Variants in LARP1 observed in about 807,000 individuals in gnomAD.
LARP1 encodes the protein la-related protein 1.
A neutral mutation model predicts 122.7 loss-of-function variants in LARP1; 36 were observed. The ratio of observed to expected loss-of-function variants is 0.29; its 90% confidence interval spans 0.22 to 0.39. The LOEUF is 0.39. Among genes scored for constraint, LARP1 ranks in the 10% least tolerant of loss-of-function variants. LARP1 has a pLI of 1.00. For missense variants in LARP1, 1,040 were observed against 1,403.6 expected (o/e 0.74, Z 4.14); for synonymous variants, 539 against 528.7 (o/e 1.02, Z -0.27).
At chr5:154,735,847 A>T (rs1402379163) in intron 1 of LARP1, among the ~76,000 whole-genome samples, 1 of 152,082 alleles carries the variant, frequency 6.6e-6, no homozygotes, top group Non-Finnish European at 1.5e-5. Flanking sequence ...CTGGGATTAC[A>T]GGCATGAGGC....
chr5:154,780,561 C>T (rs772513460), intron 1 of LARP1, among the ~76,000 whole-genome samples: 13 of 152,198 alleles, frequency 8.5e-5, no homozygotes, highest in Non-Finnish European at 1.8e-4. Flanking sequence ...GTTCCAGTGC[C>T]AGCTCTACAG....
intron 8 of LARP1, among the ~76,000 whole-genome samples, chr5:154,795,890 A>G (rs1223350210): frequency 1.6e-5 from 2 of 127,892 alleles, no homozygotes; most frequent in Non-Finnish European, 3.1e-5. Context: ...ATACATTTAT[A>G]TATATTTATA....
chr5:154,753,577 G>A (rs557078481), upstream of LARP1, among the ~76,000 whole-genome samples: 8 of 152,284 alleles, frequency 5.3e-5, no homozygotes, highest in East Asian at 3.9e-4. Flanking sequence ...CTCTTTTGAC[G>A]TACTGGCTTG....
At chr5:154,741,568 CG>C (rs1379472479) in intron 1 of LARP1, among the ~76,000 whole-genome samples, 12 of 151,538 alleles carry the variant, frequency 7.9e-5, no homozygotes, top group African/African-American at 2.7e-4. Context: ...TGCAAAGTAT[CG>C]GGTGTTTGTG....
chr5:154,769,461 G>A (rs540919033), intron 1 of LARP1, among the ~76,000 whole-genome samples: 1 of 152,334 alleles, frequency 6.6e-6, no homozygotes, highest in East Asian at 1.9e-4. Context: ...GAGAGGAGGC[G>A]GTGGGGGACG....
intron 1 of LARP1, among the ~76,000 whole-genome samples, chr5:154,770,248 T>A (rs76861419): frequency 9.8e-4 from 149 of 151,726 alleles, no homozygotes; most frequent in African/African-American, 3.3e-3. Flanking sequence ...TTTTTTTTTT[T>A]AACTAGCTGT....
chr5:154,794,153 C>T lies in LARP1; in HGVS notation c.1123C>T (p.Arg375Cys), dbSNP rs141480802. ...YRKFDGVEGP[R>C]TPKYMNNITY... Reference sequence around the variant, plus strand: ...AAAGTTTGATGGTGTGGAGGGGCCTCGTACGCCCAAGTACATGAACAACAT... The same window carrying T: ...AAAGTTTGATGGTGTGGAGGGGCCTTGTACGCCCAAGTACATGAACAACAT... Residue 375 changes from arginine to cysteine, a missense_variant, in exon 7 of 19, where the codon CGT becomes TGT. Coordinates refer to ENST00000518297, the MANE Select transcript of LARP1 (RefSeq NM_033551.3). 1.4e-5 allele frequency: 23 copies of T among 1,614,168 alleles called. No individual in the cohort carries two copies. Among genetic ancestry groups the T allele is most frequent in the African/African-American group, 1.1e-4 (8 of 75,050 alleles).
chr5:154,804,852 TC>T (rs1476890241), intron 14 of LARP1: 4 of 456,140 alleles, frequency 8.8e-6, no homozygotes, highest in Admixed American at 7.0e-5. Context: ...TGCTCTCTAC[TC>T]CCTGCAGAGA....
At chr5:154,737,163 C>T (rs1400356716) in intron 1 of LARP1, among the ~76,000 whole-genome samples, 1 of 151,818 alleles carries the variant, frequency 6.6e-6, no homozygotes, top group Non-Finnish European at 1.5e-5. Context: ...CCCTCAGCTT[C>T]CCAAGTAGCT....
intron 1 of LARP1, among the ~76,000 whole-genome samples, chr5:154,769,330 T>A (rs896415971): frequency 6.6e-6 from 1 of 152,224 alleles, no homozygotes; most frequent in Non-Finnish European, 1.5e-5. Context: ...TTGCCATCTT[T>A]TATCCAGGCT....
chr5:154,791,915 G>A (rs1347758368), intron 3 of LARP1: 1 of 455,470 alleles, frequency 2.2e-6, no homozygotes, highest in Non-Finnish European at 4.4e-6. Context: ...GTGACTCTGA[G>A]ATAGGTCCTT....
At chr5:154,804,493 T>G (rs1445449937) in intron 14 of LARP1, among the ~76,000 whole-genome samples, 186 bp downstream of exon 14, 8 of 152,168 alleles carry the variant, frequency 5.3e-5, no homozygotes, top group Non-Finnish European at 7.3e-5. Flanking sequence ...GCTTTTTTCC[T>G]AAAGAAGTGG....
chr5:154,811,467 C>T (rs1218806663), intron 17 of LARP1, 46 bp from the exon 18 acceptor site: 3 of 1,613,318 alleles, frequency 1.9e-6, no homozygotes, highest in Non-Finnish European at 2.5e-6. Flanking sequence ...CTCCTCTGAG[C>T]TTCTTTATCC....
At chr5:154,686,664 A>G (rs1396732648) in intron 1 of LARP1, among the ~76,000 whole-genome samples, 3 of 152,132 alleles carry the variant, frequency 2.0e-5, no homozygotes, top group East Asian at 1.9e-4. Flanking sequence ...ACCTTTCCCA[A>G]TTGCATCACA....
rs758829062 is a variant in LARP1, at chr5:154,795,226, G to C, written c.1284G>C (p.Arg428Ser). The change falls in exon 8 of 19, where the codon AGG becomes AGC. Residue 428 changes from arginine to serine, a missense_variant. Transcript: ENST00000518297. ...TAGAGCGAGACTTCTTCCTGCGAAG[G>C]AAAATGGATGCTGATGGTTTCCTAC... ...DNLERDFFLR[R>S]KMDADGFLPI... is the part of the protein sequence containing the mutation. 6.2e-7 allele frequency: 1 copy of C among 1,613,978 alleles called. No individual in the cohort carries two copies. The highest frequency in any genetic ancestry group is 8.5e-7 in the Non-Finnish European group (1 of 1,179,850).
chr5:154,723,071 G>T (rs1223549762), intron 1 of LARP1, among the ~76,000 whole-genome samples: 1 of 152,238 alleles, frequency 6.6e-6, no homozygotes, highest in African/African-American at 2.4e-5. Flanking sequence ...ACAGTGAGTT[G>T]AGGTAGAGCC....
At chr5:154,740,708 C>G (rs1305575971) in intron 1 of LARP1, among the ~76,000 whole-genome samples, 1 of 152,168 alleles carries the variant, frequency 6.6e-6, no homozygotes, top group African/African-American at 2.4e-5. Flanking sequence ...AAAGAACTTT[C>G]TAAACAAAGC....
At chr5:154,737,185 C>T (rs189161839) in intron 1 of LARP1, among the ~76,000 whole-genome samples, 10 of 151,824 alleles carry the variant, frequency 6.6e-5, no homozygotes, top group African/African-American at 1.5e-4. Flanking sequence ...GGATTACAGG[C>T]GTGCACCACC....
Position 154,755,792 on chromosome 5 carries a change from G to T in LARP1, c.35G>T (p.Gly12Val). The part of the protein sequence containing the change: ...ATQVEPLLPG[G>V]ATLLQAEEHG... ...CAGGTGGAGCCGCTGCTGCCTGGGG[G>T]CGCCACGCTCTTGCAGGCCGAAGAG... The change falls in exon 1 of 19, where the codon GGC becomes GTC. Residue 12 changes from glycine to valine, a missense_variant. Physicochemically the swap from Gly to Val is moderately radical, Grantham distance 109. Coordinates refer to ENST00000518297, the MANE Select transcript of LARP1 (RefSeq NM_033551.3). The T allele has an allele frequency of 3.0e-6, 3 of 989,628 alleles. No individual in the cohort carries two copies. Among genetic ancestry groups the T allele is most frequent in the Non-Finnish European group, 3.6e-6 (3 of 832,318 alleles). 61.3% of individuals were successfully genotyped at this position (989,628 alleles called of 1,614,324 possible).
Sources: allele counts gnomAD v4.1 joint callset (sites outside exome capture counted in the v4.1 genomes callset), GRCh38; gene constraint gnomAD v4.1.1; transcripts MANE v1.5; gene names NCBI Gene and HGNC (gene_info 2026-07-23, HGNC 2026-07-21).